DLG1: variants seen among roughly 807,000 people sequenced by gnomAD.
DLG1 encodes the protein disks large homolog 1.
DLG1 carries 42 observed loss-of-function variants against 123.4 expected under a neutral mutation model. That is an observed-to-expected ratio of 0.34 (90% CI 0.27 to 0.44). The LOEUF (loss-of-function observed/expected upper bound fraction) is 0.44, where lower values mean the gene tolerates loss of function less well. DLG1 is among the 20% of genes least tolerant of loss of function. The pLI is 1.00. For synonymous variants in DLG1, 317 were observed against 356.2 expected (o/e 0.89, Z 1.24); for missense variants, 942 against 1,082.6 (o/e 0.87, Z 1.82).
At chr3:197,127,636 A>G (rs1780429328) in intron 11 of DLG1, among the ~76,000 whole-genome samples, 1 of 151,134 alleles carries the variant, frequency 6.6e-6, no homozygotes, top group Admixed American at 6.6e-5. Context: ...CCTAAGAGCA[A>G]AGAAAATCCC....
At chr3:197,209,579 T>G (rs1730293243) in intron 4 of DLG1, among the ~76,000 whole-genome samples, 1 of 146,724 alleles carries the variant, frequency 6.8e-6, no homozygotes. Flanking sequence ...CATCACCTTC[T>G]GTGAATATGG....
intron 4 of DLG1, among the ~76,000 whole-genome samples, chr3:197,222,145 T>C (rs1018168826): frequency 1.3e-5 from 2 of 152,196 alleles, no homozygotes; most frequent in Non-Finnish European, 2.9e-5. Context: ...TGCAGAACCA[T>C]GGATACGAAC....
intron 3 of DLG1, among the ~76,000 whole-genome samples, chr3:197,295,486 A>AC (rs1776982440): frequency 1.3e-5 from 2 of 151,882 alleles, no homozygotes; most frequent in East Asian, 1.9e-4. Context: ...CTAAAACAAA[A>AC]AAAAAAAACT....
At chr3:197,141,399 C>A (rs1787893231) in intron 7 of DLG1, among the ~76,000 whole-genome samples, 1 of 152,136 alleles carries the variant, frequency 6.6e-6, no homozygotes, top group South Asian at 2.1e-4. Flanking sequence ...TAGGAGACAT[C>A]ACAAACTACT....
intron 4 of DLG1, among the ~76,000 whole-genome samples, chr3:197,242,501 C>G (rs1749443272): frequency 6.6e-6 from 1 of 151,460 alleles, no homozygotes; most frequent in African/African-American, 2.4e-5. Context: ...TTTTTATCAG[C>G]ACATAAAACA....
intron 4 of DLG1, among the ~76,000 whole-genome samples, chr3:197,204,754 G>T (rs11919732): frequency 0.15 from 22,732 of 152,150 alleles, 1,809 homozygotes; most frequent in African/African-American, 0.19. Context: ...ATTCAGAGAT[G>T]ATTTAAAATA....
intron 5 of DLG1, among the ~76,000 whole-genome samples, chr3:197,168,115 ATCCCACT>A (rs1443268453): frequency 6.6e-6 from 1 of 152,226 alleles, no homozygotes; most frequent in African/African-American, 2.4e-5. Flanking sequence ...TTACATTTTA[ATCCCACT>A]TGTAACCCTC....
At chr3:197,265,361 C>A (rs1044122886) in intron 4 of DLG1, among the ~76,000 whole-genome samples, 1 of 152,114 alleles carries the variant, frequency 6.6e-6, no homozygotes, top group Non-Finnish European at 1.5e-5. Flanking sequence ...GACACTGGAC[C>A]CTGTGAGAAG....
chr3:197,087,100 T>A (rs1353172156), intron 15 of DLG1, among the ~76,000 whole-genome samples: 2 of 152,206 alleles, frequency 1.3e-5, no homozygotes, highest in Non-Finnish European at 1.5e-5. Flanking sequence ...AAAACCTTCA[T>A]CAGTAATTCA....
intron 23 of DLG1, among the ~76,000 whole-genome samples, chr3:197,055,250 C>T (rs533669822): frequency 1.3e-5 from 2 of 152,314 alleles, no homozygotes; most frequent in South Asian, 4.1e-4. Context: ...TGCGCTGGGC[C>T]TATCACTTTC....
intron 4 of DLG1, among the ~76,000 whole-genome samples, chr3:197,275,911 C>T (rs12330862): frequency 0.017 from 2,624 of 152,192 alleles, 73 homozygotes; most frequent in African/African-American, 0.06. Context: ...ATGATAAATG[C>T]TTGAGATGAT....
intron 22 of DLG1, among the ~76,000 whole-genome samples, chr3:197,063,928 A>ATTTT (rs34773162): frequency 3.8e-5 from 5 of 132,344 alleles, no homozygotes; most frequent in African/African-American, 5.7e-5. Flanking sequence ...CTTAATTTAC[A>ATTTT]TTTTTTTTTT....
intron 3 of DLG1, among the ~76,000 whole-genome samples, chr3:197,284,938 T>C (rs1771100881): frequency 6.6e-6 from 1 of 150,710 alleles, no homozygotes; most frequent in Non-Finnish European, 1.5e-5. Flanking sequence ...CACACAAAGC[T>C]CTAACATGTA....
At chr3:197,148,127 G>A (rs1054161603) in intron 6 of DLG1, among the ~76,000 whole-genome samples, 1 of 151,128 alleles carries the variant, frequency 6.6e-6, no homozygotes, top group African/African-American at 2.4e-5. Context: ...GGCTGGGCAT[G>A]ATGGCTCACC....
chr3:197,062,551 T>A (rs1736590740), intron 22 of DLG1, among the ~76,000 whole-genome samples: 1 of 152,230 alleles, frequency 6.6e-6, no homozygotes, highest in Non-Finnish European at 1.5e-5. Flanking sequence ...ACCCTACAGC[T>A]TGGTTCCTTT....
intron 4 of DLG1, among the ~76,000 whole-genome samples, chr3:197,234,971 A>C (rs1745189276): frequency 6.6e-6 from 1 of 152,200 alleles, no homozygotes; most frequent in Non-Finnish European, 1.5e-5. Context: ...AATAAACAAA[A>C]TATGAAAAAA....
At chr3:197,058,891 T>G (rs1234629848) in intron 23 of DLG1, among the ~76,000 whole-genome samples, 2 of 152,224 alleles carry the variant, frequency 1.3e-5, no homozygotes, top group East Asian at 3.9e-4. Context: ...GAACAGATCT[T>G]CCTGTTGGAG....
At position 197,064,010 on chromosome 3, in the gene DLG1, T is replaced by C. The variant is rs149295350; in HGVS notation, c.2373+1266A>G. Reference sequence around the variant, plus strand: ...GTGGCATGGTTTTGGCTCACTGCAATCTCCTGGGTTCAAGCGATTCTCCTG... The same window carrying C: ...GTGGCATGGTTTTGGCTCACTGCAACCTCCTGGGTTCAAGCGATTCTCCTG... On this transcript the variant is annotated intron_variant, in intron 22 of 24. Transcript: ENST00000667157. Among the ~76,000 whole-genome samples the C allele has an allele frequency of 9.7e-3, 1,448 of 149,280 alleles. 27 individuals carry two copies. The highest frequency in any genetic ancestry group is 0.033 in the African/African-American group (1,346 of 40,702).
At chr3:197,073,078 T>C (rs995807960) in intron 18 of DLG1, among the ~76,000 whole-genome samples, 1 of 152,236 alleles carries the variant, frequency 6.6e-6, no homozygotes, top group Non-Finnish European at 1.5e-5. Context: ...TTCTTCCTGA[T>C]ACAGTACATC....
Sources: gnomAD v4.1 joint callset for allele counts (sites outside exome capture counted in the v4.1 genomes callset) on GRCh38, gnomAD v4.1.1 for gene constraint, MANE v1.5 for transcripts, NCBI Gene and HGNC (gene_info 2026-07-23, HGNC 2026-07-21) for gene names.